Variants in ACER3 observed in about 807,000 individuals in gnomAD.
ACER3 encodes alkCDase 3.
ACER3 carries 16 observed loss-of-function variants against 48.9 expected under a neutral mutation model. The ratio of observed to expected loss-of-function variants is 0.33; its 90% CI spans 0.22 to 0.50. The LOEUF (loss-of-function observed/expected upper bound fraction) is 0.50, where lower values mean the gene tolerates loss of function less well. Among genes scored for constraint, ACER3 ranks in the 20% least tolerant of loss-of-function variants. ACER3 has a pLI of 0.98. For missense variants in ACER3, 227 were observed against 326.0 expected (o/e 0.70, Z 2.34); for synonymous variants, 109 against 107.8 (o/e 1.01, Z -0.07).
intron 5 of ACER3, among the ~76,000 whole-genome samples, chr11:76,989,494 G>A (rs1397261377): frequency 1.3e-5 from 2 of 152,062 alleles, no homozygotes; most frequent in Non-Finnish European, 2.9e-5. Flanking sequence ...TATAGAGAAA[G>A]GATCAGAAAA....
chr11:77,001,044 C>T (rs563892551), intron 7 of ACER3, among the ~76,000 whole-genome samples: 51 of 152,148 alleles, frequency 3.4e-4, no homozygotes, highest in Non-Finnish European at 5.0e-4. Flanking sequence ...TCCATGAACA[C>T]AGTATGTCTC....
In ACER3 at chr11:76,948,134, G is replaced by T. The variant is rs576106128; in HGVS notation, c.215-10845G>T. Among the ~76,000 whole-genome samples the T allele has an allele frequency of 1.8e-3, 279 of 151,448 alleles. 1 individual carries two copies. The highest frequency in any genetic ancestry group is 3.3e-3 in the Non-Finnish European group (226 of 67,894). ...AACAAATTATTTTCTAAGAAAAAAGGTATAAAAGATTATAACATCTAGTCT... is the reference window on the plus strand; with the variant it reads ...AACAAATTATTTTCTAAGAAAAAAGTTATAAAAGATTATAACATCTAGTCT... On this transcript the variant is annotated intron_variant, in intron 2 of 10. Transcript: ENST00000532485.
intron 2 of ACER3, among the ~76,000 whole-genome samples, chr11:76,942,918 G>A (rs1482489987): frequency 4.0e-5 from 6 of 151,880 alleles, no homozygotes; most frequent in Admixed American, 3.9e-4. Flanking sequence ...GTTTGGGGAG[G>A]TTGTATGTTT....
rs368988870 is a variant in ACER3, at chr11:77,015,093, A to G, written c.575A>G (p.Asp192Gly). 5 of 1,564,060 alleles carry G rather than the reference A, an allele frequency of 3.2e-6. No individual in the cohort carries two copies. The African/African-American group carries it at 5.4e-5, about 17-fold the overall frequency. Residue 192 changes from aspartate to glycine, a missense_variant, in exon 8 of 11, where the codon GAT becomes GGT. By Grantham distance (94) the Asp-to-Gly change is moderately conservative (BLOSUM62 -1). This residue lies in a region of ACER3 where 195 missense variants were observed against 290.8 expected (regional missense o/e 0.67). Transcript: ENST00000532485. ...FLLGFLFWNI[D>G]NIFCESLRNF... ...TTGGGATTTTTATTTTGGAATATAG[A>G]TAACATATTTTGTGAGTCACTGAGG...
chr11:77,001,287 G>A (rs746634748), intron 7 of ACER3, among the ~76,000 whole-genome samples: 5 of 151,978 alleles, frequency 3.3e-5, no homozygotes, highest in African/African-American at 7.2e-5. Flanking sequence ...ACAGAGTCTC[G>A]CACTGTCTCC....
intron 1 of ACER3, among the ~76,000 whole-genome samples, chr11:76,869,856 T>A (rs1284834656): frequency 1.3e-5 from 2 of 152,226 alleles, no homozygotes; most frequent in African/African-American, 2.4e-5. Flanking sequence ...TTATTATATG[T>A]ATTTGCCACA....
intron 2 of ACER3, among the ~76,000 whole-genome samples, chr11:76,953,003 G>A (rs1947726600): frequency 6.6e-6 from 1 of 152,066 alleles, no homozygotes; most frequent in South Asian, 2.1e-4. Context: ...AGAGAGACAG[G>A]TTGGGGGCAA....
Position 76,896,362 on chromosome 11 carries a change from T to TA in ACER3, c.104-30187dup, listed in dbSNP as rs530064859. On this transcript the variant is annotated intron_variant, in intron 1 of 10. Transcript: ENST00000532485. Reference sequence around the variant, plus strand: ...CCTCCTATGCCATAGTTAAGGGGCATAAAAAAAACTAGTGGGGTGGGCCTG... The same window carrying TA: ...CCTCCTATGCCATAGTTAAGGGGCATAAAAAAAAACTAGTGGGGTGGGCCTG... Among the ~76,000 whole-genome samples, 336 of 151,708 alleles carry TA rather than the reference T, an allele frequency of 2.2e-3. 3 individuals carry two copies. Among genetic ancestry groups the TA allele is most frequent in the Middle Eastern group, 3.4e-3 (1 of 292 alleles).
intron 2 of ACER3, among the ~76,000 whole-genome samples, chr11:76,945,516 G>T (rs1017764100): frequency 6.6e-6 from 1 of 152,134 alleles, no homozygotes; most frequent in African/African-American, 2.4e-5. Flanking sequence ...GTGGCTTAGG[G>T]TATAGTTAGA....
chr11:77,006,121 C>T (rs1949143841), intron 7 of ACER3, among the ~76,000 whole-genome samples: 1 of 150,538 alleles, frequency 6.6e-6, no homozygotes, highest in African/African-American at 2.4e-5. Flanking sequence ...TCCCAAGTAG[C>T]TGGGATTACA....
intron 7 of ACER3, among the ~76,000 whole-genome samples, chr11:76,999,416 G>A (rs920016043): frequency 3.3e-5 from 5 of 150,474 alleles, no homozygotes; most frequent in African/African-American, 1.2e-4. Flanking sequence ...TTAGTATCTA[G>A]ATAACTGTAA....
chr11:76,931,585 T>C (rs536291409), intron 2 of ACER3, among the ~76,000 whole-genome samples: 79 of 152,342 alleles, frequency 5.2e-4, no homozygotes, highest in African/African-American at 1.8e-3. Flanking sequence ...ATTTGGCATG[T>C]TTTTGCAGTG....
chr11:76,977,018 T>C (rs1053463864), intron 4 of ACER3, among the ~76,000 whole-genome samples: 2 of 152,222 alleles, frequency 1.3e-5, no homozygotes, highest in Non-Finnish European at 2.9e-5. Flanking sequence ...TAAATGCTAA[T>C]ATGTAACTGC....
At chr11:76,956,547 GA>G (rs545520892) in intron 2 of ACER3, among the ~76,000 whole-genome samples, 1 of 151,814 alleles carries the variant, frequency 6.6e-6, no homozygotes, top group Non-Finnish European at 1.5e-5. Flanking sequence ...CAAAAGCAGG[GA>G]AAAAAATCAG....
At chr11:76,868,245 C>T (rs1163501256) in intron 1 of ACER3, 4 of 1,289,300 alleles carry the variant, frequency 3.1e-6, no homozygotes, top group Non-Finnish European at 4.0e-6. Context: ...GAAGATGCTC[C>T]TTTCTCTGAA....
At chr11:76,931,649 A>C (rs539126260) in intron 2 of ACER3, among the ~76,000 whole-genome samples, 1 of 152,218 alleles carries the variant, frequency 6.6e-6, no homozygotes, top group East Asian at 1.9e-4. Flanking sequence ...GAGCTCTTTT[A>C]GGGCAGGGCT....
intron 6 of ACER3, among the ~76,000 whole-genome samples, chr11:76,998,109 T>C (rs953032444): frequency 2.0e-5 from 3 of 152,202 alleles, no homozygotes; most frequent in African/African-American, 7.2e-5. Context: ...TTCTCAACTA[T>C]TGGCTTTATA....
At chr11:76,980,271 C>T (rs1414929457) in intron 4 of ACER3, among the ~76,000 whole-genome samples, 1 of 152,124 alleles carries the variant, frequency 6.6e-6, no homozygotes, top group Non-Finnish European at 1.5e-5. Context: ...ATTTTAAAAA[C>T]TATTCTGATG....
At chr11:76,904,296 C>A (rs1216823775) in intron 1 of ACER3, among the ~76,000 whole-genome samples, 12 of 152,092 alleles carry the variant, frequency 7.9e-5, no homozygotes, top group Admixed American at 7.9e-4. Flanking sequence ...TGCACTCTGC[C>A]CAACCCCCCT....
Sources: gnomAD v4.1 joint callset for allele counts (sites outside exome capture counted in the v4.1 genomes callset) on GRCh38, gnomAD v4.1.1 for gene constraint, gnomAD v4.1.1 regional missense constraint, MANE v1.5 for transcripts, NCBI Gene and HGNC (gene_info 2026-07-23, HGNC 2026-07-21) for gene names.